Variants in MLLT10 observed in about 807,000 individuals in gnomAD.
MLLT10 encodes protein AF-10.
MLLT10 carries 30 observed loss-of-function variants against 129.1 expected under a neutral mutation model. The observed-to-expected ratio is 0.23, with a 90% CI of 0.17 to 0.32. MLLT10 has a LOEUF of 0.32. Among genes scored for constraint, MLLT10 ranks in the 10% least tolerant of loss-of-function variants. The probability of loss-of-function intolerance (pLI) is 1.00; values close to 1 mark genes in which losing one functional copy is unlikely to be tolerated. For missense variants in MLLT10, 1,119 were observed against 1,268.3 expected, an observed-to-expected ratio of 0.88 and a Z score of 1.79; for synonymous variants, 490 against 446.4, an observed-to-expected ratio of 1.10 and a Z score of -1.23.
At chr10:21,558,399 A>G (rs1008118665) in intron 3 of MLLT10, among the ~76,000 whole-genome samples, 1 of 152,060 alleles carries the variant, frequency 6.6e-6, no homozygotes, top group Non-Finnish European at 1.5e-5. Flanking sequence ...GCAGTGAGCT[A>G]TGATCATGAT....
intron 5 of MLLT10, among the ~76,000 whole-genome samples, chr10:21,603,448 T>A (rs547169751): frequency 6.6e-6 from 1 of 152,222 alleles, no homozygotes; most frequent in African/African-American, 2.4e-5. Flanking sequence ...CTAATTTGTC[T>A]GCTTCTGCTT....
At chr10:21,609,844 G>T (rs1013404898) in intron 5 of MLLT10, among the ~76,000 whole-genome samples, 1 of 151,242 alleles carries the variant, frequency 6.6e-6, no homozygotes, top group African/African-American at 2.4e-5. Flanking sequence ...AATCATAATT[G>T]TGTATGTTTG....
intron 12 of MLLT10, 75 bp downstream of exon 12, chr10:21,681,451 T>C: frequency 2.0e-6 from 2 of 976,530 alleles, no homozygotes; most frequent in South Asian, 2.9e-5. Flanking sequence ...TTATGCCACC[T>C]CGGAACCTCT....
chr10:21,740,577 T>G (rs1021615997), intron 22 of MLLT10, among the ~76,000 whole-genome samples: 1 of 152,184 alleles, frequency 6.6e-6, no homozygotes, highest in Non-Finnish European at 1.5e-5. Context: ...TTGGAAATAT[T>G]TTTATTTTAC....
At chr10:21,634,261 C>T (rs2047259075) in intron 8 of MLLT10, among the ~76,000 whole-genome samples, 1 of 152,004 alleles carries the variant, frequency 6.6e-6, no homozygotes, top group Non-Finnish European at 1.5e-5. Context: ...GGATTTTCTA[C>T]CTTTCATGAC....
At chr10:21,645,445 A>G (rs2048384221) in intron 8 of MLLT10, among the ~76,000 whole-genome samples, 1 of 152,236 alleles carries the variant, frequency 6.6e-6, no homozygotes, top group South Asian at 2.1e-4. Flanking sequence ...TTATTTGAAT[A>G]TAGGCACTCT....
chr10:21,615,970 T>C (rs2045212646), intron 7 of MLLT10, among the ~76,000 whole-genome samples: 1 of 152,164 alleles, frequency 6.6e-6, no homozygotes, highest in African/African-American at 2.4e-5. Context: ...TTTTGGTTTC[T>C]AATTTTTAAA....
chr10:21,593,355 C>A (rs554622935), intron 4 of MLLT10, among the ~76,000 whole-genome samples: 1 of 152,180 alleles, frequency 6.6e-6, no homozygotes, highest in South Asian at 2.1e-4. Context: ...TTCCAAAGTG[C>A]TGGGCTTACG....
At chr10:21,636,731 C>T (rs914413394) in intron 8 of MLLT10, among the ~76,000 whole-genome samples, 8 of 151,994 alleles carry the variant, frequency 5.3e-5, no homozygotes, top group East Asian at 3.9e-4. Flanking sequence ...TGTGCCACCA[C>T]GTTGGCTAAT....
At chr10:21,534,130 G>A (rs1180982521), upstream of MLLT10, 2 of 334,492 alleles carry the variant, frequency 6.0e-6, no homozygotes, top group East Asian at 4.4e-5. Context: ...GAGGGGGACG[G>A]GGCCCCGGAG....
Position 21,613,192 on chromosome 10 carries a change from C to CAAAA in MLLT10, c.509+764_509+767dup, listed in dbSNP as rs993493277. ...CTGGCGACAAACCAAGACTCTGTCT[C>CAAAA]AAAAAAAAAAAAAAAAAAAAAAAAA... On this transcript the variant is annotated intron_variant, in intron 6 of 22. Transcript: ENST00000307729. Among the ~76,000 whole-genome samples, 57 of 24,630 alleles carry CAAAA rather than the reference C, an allele frequency of 2.3e-3. 2 individuals carry two copies. Among genetic ancestry groups the CAAAA allele is most frequent in the African/African-American group, 7.6e-3 (55 of 7,206 alleles). The allele number at this position is 24,630 out of a possible 152,430, so 16.2% of individuals were successfully genotyped here.
At chr10:21,626,745 G>A (rs557764249) in intron 8 of MLLT10, among the ~76,000 whole-genome samples, 170 of 152,044 alleles carry the variant, frequency 1.1e-3, no homozygotes, top group African/African-American at 3.5e-3. Flanking sequence ...ACTTCTCTTT[G>A]TCTTTGTAAA....
chr10:21,712,203 C>CATTTATTT (rs60779896), intron 13 of MLLT10, among the ~76,000 whole-genome samples: 24 of 150,122 alleles, frequency 1.6e-4, no homozygotes, highest in African/African-American at 4.7e-4. Flanking sequence ...TCAATAACTT[C>CATTTATTT]ATTTATTTAT....
At chr10:21,637,847 G>A (rs918924959) in intron 8 of MLLT10, among the ~76,000 whole-genome samples, 1 of 152,198 alleles carries the variant, frequency 6.6e-6, no homozygotes, top group Admixed American at 6.5e-5. Flanking sequence ...GGCTATAAGA[G>A]CAATAACTAA....
chr10:21,740,312 T>C (rs979366182), intron 22 of MLLT10, 76 bp downstream of exon 22: 6 of 1,505,556 alleles, frequency 4.0e-6, no homozygotes, highest in Admixed American at 3.6e-5. Flanking sequence ...TTTTCCAGCC[T>C]GGTTTTGTTC....
intron 18 of MLLT10, 149 bp downstream of exon 18, chr10:21,733,236 A>G: frequency 1.3e-6 from 1 of 774,662 alleles, no homozygotes; most frequent in South Asian, 2.5e-5. Context: ...GAATCCTGTT[A>G]AGTGATCAAC....
rs923889651 is a variant in MLLT10 at position 21,600,149 on chromosome 10, G to C, written c.405+4709G>C. The stretch of plus-strand genomic sequence containing the variant: ...TTCTGGACTTTTTATGTGTTCCTTT[G>C]GTGTGTCTATTTTTATCCTGGCACC... On this transcript the variant is annotated intron_variant, in intron 5 of 22. Coordinates refer to ENST00000307729, the MANE Select transcript of MLLT10 (RefSeq NM_001195626.3). 4.6e-5 allele frequency among the ~76,000 whole-genome samples: 7 copies of C among 151,790 alleles called. No homozygotes were observed. The East Asian group carries it at 1.2e-3, about 25-fold the overall frequency.
intron 21 of MLLT10, among the ~76,000 whole-genome samples, chr10:21,735,616 T>C (rs2058301551): frequency 1.3e-5 from 2 of 152,280 alleles, no homozygotes; most frequent in South Asian, 2.1e-4. Context: ...AGGACCATTT[T>C]AGATAGGATG....
At chr10:21,630,196 A>G (rs1279908103) in intron 8 of MLLT10, among the ~76,000 whole-genome samples, 1 of 152,186 alleles carries the variant, frequency 6.6e-6, no homozygotes, top group Non-Finnish European at 1.5e-5. Context: ...GTTATTTTCA[A>G]AAGTGTTTAA....
Sources: gnomAD v4.1 joint callset for allele counts (sites outside exome capture counted in the v4.1 genomes callset) on GRCh38, gnomAD v4.1.1 for gene constraint, MANE v1.5 for transcripts, NCBI Gene and HGNC (gene_info 2026-07-23, HGNC 2026-07-21) for gene names.